The following ZNF827 variants were observed in gnomAD, a reference collection of about 807,000 sequenced individuals.
The protein encoded by ZNF827 is zinc finger protein 827.
In ZNF827, 13 loss-of-function variants were observed where a neutral mutation model predicts 102.4. The ratio of observed to expected loss-of-function variants is 0.13; its 90% confidence interval spans 0.08 to 0.20. The LOEUF (loss-of-function observed/expected upper bound fraction) is 0.20. ZNF827 is among the 10% of genes least tolerant of loss of function. ZNF827 has a pLI of 1.00. For missense variants in ZNF827, 1,103 were observed against 1,344.4 expected (o/e 0.82, Z 2.81); for synonymous variants, 523 against 536.2 (o/e 0.98, Z 0.34).
intron 1 of ZNF827, among the ~76,000 whole-genome samples, chr4:145,929,200 C>A (rs1335112850): frequency 2.6e-5 from 4 of 152,138 alleles, no homozygotes; most frequent in Non-Finnish European, 5.9e-5. Flanking sequence ...TGCATGTATT[C>A]TCTTGATTTG....
rs1323545003 is a variant in ZNF827 at position 145,870,228 on chromosome 4, T to C, written c.1981+17A>G. Reference sequence around the variant, plus strand: ...TGAAACTATCAGAATGTGAATATTTTAGAATAAATCAAGTACCTGAGAGTT... The same window carrying C: ...TGAAACTATCAGAATGTGAATATTTCAGAATAAATCAAGTACCTGAGAGTT... On this transcript the variant is annotated intron_variant, in intron 5 of 14. Transcript: ENST00000508784. 8 of 1,611,434 alleles carry C rather than the reference T, an allele frequency of 5.0e-6. No individual in the cohort carries two copies. The highest frequency in any genetic ancestry group is 6.8e-6 in the Non-Finnish European group (8 of 1,178,228).
At chr4:145,835,463 A>T (rs112782707) in intron 7 of ZNF827, among the ~76,000 whole-genome samples, 4,969 of 150,268 alleles carry the variant, frequency 0.033, 80 homozygotes, top group Non-Finnish European at 0.049. Flanking sequence ...CACTCTTTTA[A>T]GCACTCCTTT....
chr4:145,894,024 T>C (rs1325903449), intron 2 of ZNF827, among the ~76,000 whole-genome samples: 2 of 152,176 alleles, frequency 1.3e-5, no homozygotes, highest in Non-Finnish European at 2.9e-5. Context: ...CTCAGATAAT[T>C]GAGGAAATAC....
Position 145,849,378 on chromosome 4 carries a change from A to G in ZNF827, c.2165T>C (p.Leu722Pro). The change falls in exon 6 of 15, where the codon CTC (leucine) becomes CCC (proline). Residue 722 changes from leucine to proline, a missense_variant. Coordinates refer to ENST00000508784, the MANE Select transcript of ZNF827 (RefSeq NM_001306215.2). ...PEGRVPPERNLFSQDISVKMA... is the reference protein window; with the variant it reads ...PEGRVPPERNPFSQDISVKMA... The stretch of plus-strand genomic sequence containing the variant: ...TTTCACAGAGATATCCTGACTGAAG[A>G]GGTTTCTCTCTGGGGGTACTCTGCC... The G allele has an allele frequency of 6.2e-7, 1 of 1,614,118 alleles. No individual in the cohort carries two copies. Among genetic ancestry groups the G allele is most frequent in the Non-Finnish European group, 8.5e-7 (1 of 1,180,006 alleles).
rs1403633822 is a variant in ZNF827 at position 145,804,468 on chromosome 4, TA to T, written c.2383+18953del. Among the ~76,000 whole-genome samples the T allele has an allele frequency of 2.6e-5, 4 of 152,370 alleles. No homozygotes were observed. In the East Asian group the frequency reaches 7.7e-4, roughly 29 times the overall value. On this transcript the variant is annotated intron_variant, in intron 8 of 14. Coordinates refer to ENST00000508784, the MANE Select transcript of ZNF827 (RefSeq NM_001306215.2). ...TTTTTTCTGGTGGCTAAAAAACATT[TA>T]AAACAAACATCTAGCTGAACAATGG...
In ZNF827 at chr4:145,902,556, T is replaced by C; in HGVS notation, c.703A>G (p.Met235Val). The part of the protein sequence containing the change: ...DKSLTRTEET[M>V]RFESFSSPFS... Reference sequence around the variant, plus strand: ...GGGGAGGAAAAGGACTCAAATCGCATGGTCTCCTCAGTCCTGGTGAGAGAT... The same window carrying C: ...GGGGAGGAAAAGGACTCAAATCGCACGGTCTCCTCAGTCCTGGTGAGAGAT... The change falls in exon 2 of 15, where the codon ATG becomes GTG. Residue 235 changes from methionine to valine, a missense_variant. This residue lies in a region of ZNF827 where 441 missense variants were observed against 458.6 expected (regional missense o/e 0.96). Transcript: ENST00000508784. This position sits in a 1 kb window ranked among gnomAD's most constrained non-coding sequence, Gnocchi z 4.3. 3.1e-6 allele frequency: 5 copies of C among 1,614,134 alleles called. No individual in the cohort carries two copies. Among genetic ancestry groups the C allele is most frequent in the Non-Finnish European group, 4.2e-6 (5 of 1,180,020 alleles).
At chr4:145,889,560 T>TA (rs1579487080) in intron 3 of ZNF827, among the ~76,000 whole-genome samples, 1 of 151,432 alleles carries the variant, frequency 6.6e-6, no homozygotes, top group East Asian at 2.0e-4. Context: ...CCCACTTTTT[T>TA]TTTTTTTTTT....
intron 7 of ZNF827, among the ~76,000 whole-genome samples, chr4:145,844,230 AT>A (rs1745692187): frequency 6.6e-6 from 1 of 151,902 alleles, no homozygotes; most frequent in East Asian, 1.9e-4. Context: ...AATATACAAA[AT>A]AGCCTTTCCA....
intron 4 of ZNF827, among the ~76,000 whole-genome samples, chr4:145,872,131 A>T (rs1352613030): frequency 6.6e-6 from 1 of 152,088 alleles, no homozygotes; most frequent in Non-Finnish European, 1.5e-5. Flanking sequence ...TTCCCTCCAA[A>T]TACTTATTAC....
intron 8 of ZNF827, among the ~76,000 whole-genome samples, chr4:145,790,200 T>G (rs1739473226): frequency 6.6e-6 from 1 of 152,192 alleles, no homozygotes; most frequent in African/African-American, 2.4e-5. Flanking sequence ...CTATAAAATA[T>G]GGGCACATAT....
chr4:145,933,072 A>C (rs1753929482), intron 1 of ZNF827, among the ~76,000 whole-genome samples: 2 of 152,226 alleles, frequency 1.3e-5, no homozygotes, highest in African/African-American at 4.8e-5. Flanking sequence ...TCATCCCCAG[A>C]GTGAGATGGC....
chr4:145,880,893 G>C (rs1749605591), intron 4 of ZNF827, among the ~76,000 whole-genome samples: 2 of 152,228 alleles, frequency 1.3e-5, no homozygotes, highest in South Asian at 4.1e-4. Flanking sequence ...AATAACACAA[G>C]GATGGCATTT....
chr4:145,816,404 G>C (rs1388538194), intron 8 of ZNF827, among the ~76,000 whole-genome samples: 1 of 152,212 alleles, frequency 6.6e-6, no homozygotes, highest in African/African-American at 2.4e-5. Flanking sequence ...TTCTCCTTTA[G>C]AAAGGTTACC....
chr4:145,850,457 C>T (rs1294995761), intron 5 of ZNF827, among the ~76,000 whole-genome samples: 2 of 152,054 alleles, frequency 1.3e-5, no homozygotes, highest in Non-Finnish European at 1.5e-5. Flanking sequence ...TAACTGCAGC[C>T]CAAGGAGCAA....
rs28484813 is a variant in ZNF827 at position 145,806,234 on chromosome 4, C to G, written c.2383+17188G>C. ...TGGTGCTATCTGGGCTCACTGCAAC[C>G]TCTGCCTCCTGGGCTCAAACCATCC... On this transcript the variant is annotated intron_variant, in intron 8 of 14. Coordinates refer to ENST00000508784, the MANE Select transcript of ZNF827 (RefSeq NM_001306215.2). Among the ~76,000 whole-genome samples the G allele has an allele frequency of 4.9e-3, 739 of 149,644 alleles. 7 individuals carry two copies. Among genetic ancestry groups the G allele is most frequent in the African/African-American group, 0.017 (688 of 40,550 alleles).
intron 1 of ZNF827, among the ~76,000 whole-genome samples, chr4:145,936,897 C>G (rs1351870135): frequency 6.6e-6 from 1 of 151,976 alleles, no homozygotes; most frequent in African/African-American, 2.4e-5. Flanking sequence ...GCCAAACCGC[C>G]GGGAGAGGGG....
intron 11 of ZNF827, among the ~76,000 whole-genome samples, chr4:145,771,747 A>T (rs1334535400): frequency 6.6e-6 from 1 of 152,230 alleles, no homozygotes; most frequent in Non-Finnish European, 1.5e-5. Flanking sequence ...TGGGTTCTGT[A>T]GGAGACTAAA....
intron 6 of ZNF827, 147 bp from the exon 7 acceptor site, chr4:145,846,160 C>A: frequency 1.3e-6 from 1 of 754,000 alleles, no homozygotes; most frequent in Non-Finnish European, 2.2e-6. Flanking sequence ...CAGATCCTCC[C>A]CATCTTACTG....
chr4:145,784,542 A>C (rs1198822245), intron 8 of ZNF827, among the ~76,000 whole-genome samples: 3 of 152,158 alleles, frequency 2.0e-5, no homozygotes, highest in African/African-American at 7.2e-5. Context: ...ACACATTTCC[A>C]TCTTAATTAT....
Sources: gnomAD v4.1 joint callset for allele counts (sites outside exome capture counted in the v4.1 genomes callset) on GRCh38, gnomAD v4.1.1 for gene constraint, gnomAD v4.1.1 regional missense constraint, Gnocchi (gnomAD v3.1) non-coding constraint, MANE v1.5 for transcripts, NCBI Gene and HGNC (gene_info 2026-07-23, HGNC 2026-07-21) for gene names.